The following ATRNL1 variants were observed in gnomAD, a reference collection of about 807,000 sequenced individuals.
ATRNL1 encodes the protein attractin-like protein 1.
A neutral mutation model predicts 182.7 loss-of-function variants in ATRNL1; 95 were observed. That is an observed-to-expected ratio of 0.52 (90% confidence interval 0.44 to 0.62). The LOEUF (loss-of-function observed/expected upper bound fraction) is 0.62. Ranked by LOEUF, ATRNL1 falls within the 20% of genes least tolerant of loss-of-function variation. ATRNL1 has a pLI of 0.00. For missense variants in ATRNL1, 1,471 were observed against 1,679.5 expected, an observed-to-expected ratio of 0.88 and a Z score of 2.17; for synonymous variants, 576 against 568.3, an observed-to-expected ratio of 1.01 and a Z score of -0.19.
intron 26 of ATRNL1, among the ~76,000 whole-genome samples, chr10:115,661,224 T>A (rs537194701): frequency 6.6e-6 from 1 of 152,082 alleles, no homozygotes; most frequent in East Asian, 1.9e-4. Flanking sequence ...TCAGCCAACA[T>A]TTGCATTATA....
intron 26 of ATRNL1, among the ~76,000 whole-genome samples, chr10:115,560,118 C>T (rs1345509373): frequency 3.5e-4 from 53 of 152,168 alleles, no homozygotes; most frequent in Non-Finnish European, 1.6e-4. Flanking sequence ...AAACTAAAAA[C>T]GAATTCAATT....
intron 14 of ATRNL1, among the ~76,000 whole-genome samples, chr10:115,281,919 A>G (rs1852378420): frequency 6.8e-6 from 1 of 148,098 alleles, no homozygotes; most frequent in African/African-American, 2.4e-5. Context: ...AGAACATATT[A>G]ATTATATATT....
chr10:115,332,147 G>T (rs1241134620), intron 18 of ATRNL1, among the ~76,000 whole-genome samples: 1 of 152,182 alleles, frequency 6.6e-6, no homozygotes, highest in Non-Finnish European at 1.5e-5. Flanking sequence ...GAAGCATAAT[G>T]CCTATCTCCG....
In ATRNL1 at chr10:115,731,933, TTAGCTTCTTTCGCTTAGCATAATG is replaced by T. The variant is rs754681392; in HGVS notation, c.3903+4580_3903+4603del. On this transcript the variant is annotated intron_variant, in intron 27 of 28. Transcript: ENST00000355044. Reference sequence around the variant, plus strand: ...CTATATACAGTGTGATCTTTTGTGATTAGCTTCTTTCGCTTAGCATAATGTCTTTAAAGTTGATACGTGTTGTAG... The same window carrying T: ...CTATATACAGTGTGATCTTTTGTGATTCTTTAAAGTTGATACGTGTTGTAG... 1.3e-3 allele frequency among the ~76,000 whole-genome samples: 205 copies of T among 152,218 alleles called. 3 individuals carry two copies. Among genetic ancestry groups the T allele is most frequent in the Non-Finnish European group, 1.7e-3 (116 of 68,010 alleles).
At chr10:115,190,378 TAAA>T (rs1848122416) in intron 8 of ATRNL1, among the ~76,000 whole-genome samples, 1 of 152,154 alleles carries the variant, frequency 6.6e-6, no homozygotes, top group South Asian at 2.1e-4. Context: ...CTGACTATAT[TAAA>T]AAGTTTTAGT....
At chr10:115,231,933 G>C (rs1554900111) in intron 9 of ATRNL1, among the ~76,000 whole-genome samples, 2 of 152,128 alleles carry the variant, frequency 1.3e-5, no homozygotes. Context: ...ATGAGTTAGG[G>C]AAGTGTAGTA....
At chr10:115,771,584 A>AT (rs1948994607) in intron 27 of ATRNL1, among the ~76,000 whole-genome samples, 1 of 152,170 alleles carries the variant, frequency 6.6e-6, no homozygotes, top group African/African-American at 2.4e-5. Flanking sequence ...ATCTCTCAGC[A>AT]TTTTTAGAAA....
chr10:115,592,530 T>G (rs1269161186), intron 26 of ATRNL1, among the ~76,000 whole-genome samples: 1 of 152,156 alleles, frequency 6.6e-6, no homozygotes, highest in Non-Finnish European at 1.5e-5. Flanking sequence ...CAGCTCTACC[T>G]TACTCCACCC....
In ATRNL1 at chr10:115,127,732, T is replaced by C. The variant is rs782072853; in HGVS notation, c.620+11T>C. 3 of 1,396,492 alleles carry C rather than the reference T, an allele frequency of 2.1e-6. No individual in the cohort carries two copies. The Admixed American group carries it at 8.6e-5, about 40-fold the overall frequency. The allele number at this position is 1,396,492 out of a possible 1,614,324, so 86.5% of individuals were successfully genotyped here. A position where few individuals can be genotyped will look rare whatever the true frequency, so the allele number is the denominator to read the frequency against. ...CAACATTTTCTATTCGTAAGTATTTTTTAAAAATTCCTTCTTTTAATGATT... is the reference window on the plus strand; with the variant it reads ...CAACATTTTCTATTCGTAAGTATTTCTTAAAAATTCCTTCTTTTAATGATT... On this transcript the variant is annotated intron_variant, in intron 4 of 28. Coordinates refer to ENST00000355044, the MANE Select transcript of ATRNL1 (RefSeq NM_207303.4).
At chr10:115,561,692 T>G (rs868963972) in intron 26 of ATRNL1, among the ~76,000 whole-genome samples, 7 of 45,722 alleles carry the variant, frequency 1.5e-4, no homozygotes, top group Admixed American at 4.6e-4. Flanking sequence ...TGTGTGTGGG[T>G]GTGTGTGTGT....
At chr10:115,846,775 A>G (rs1319942161) in intron 27 of ATRNL1, among the ~76,000 whole-genome samples, 5 of 152,110 alleles carry the variant, frequency 3.3e-5, no homozygotes, top group Admixed American at 3.3e-4. Context: ...ATATGCACAC[A>G]TGTCATAAGC....
Position 115,286,375 on chromosome 10 carries a change from A to G in ATRNL1, c.2393A>G (p.Glu798Gly). 6.3e-7 allele frequency: 1 copy of G among 1,596,374 alleles called. No individual in the cohort carries two copies. Among genetic ancestry groups the G allele is most frequent in the Non-Finnish European group, 8.6e-7 (1 of 1,167,024 alleles). The change falls in exon 15 of 29, where the codon GAA becomes GGA. Residue 798 changes from glutamate to glycine, a missense_variant. Around this residue, in one of 3 missense-constraint regions of ATRNL1, gnomAD observed 1,031 missense variants for 1,156.0 expected, o/e 0.89. Coordinates refer to ENST00000355044, the MANE Select transcript of ATRNL1 (RefSeq NM_207303.4). ...AAAGAAGTAGAATTTGTTCTGGATG[A>G]AATACAGAAGTATACACAACAGGTA... ...TSKEVEFVLD[E>G]IQKYTQQKVS...
chr10:115,479,839 A>G (rs1190821635), intron 24 of ATRNL1, among the ~76,000 whole-genome samples: 1 of 151,362 alleles, frequency 6.6e-6, no homozygotes, highest in Non-Finnish European at 1.5e-5. Flanking sequence ...AACTTCAAAA[A>G]AAGTGTATTG....
chr10:115,538,004 C>T (rs1554990993), intron 25 of ATRNL1, among the ~76,000 whole-genome samples: 1 of 152,132 alleles, frequency 6.6e-6, no homozygotes, highest in African/African-American at 2.4e-5. Context: ...ATTTAAGATT[C>T]ATCCAAGGTG....
chr10:115,461,203 G>A (rs1313193231), intron 21 of ATRNL1, among the ~76,000 whole-genome samples: 2 of 151,878 alleles, frequency 1.3e-5, no homozygotes, highest in Admixed American at 1.3e-4. Context: ...TAAAATAATT[G>A]GAAATAATTT....
At chr10:115,521,249 G>T (rs1395757157) in intron 25 of ATRNL1, among the ~76,000 whole-genome samples, 1 of 151,970 alleles carries the variant, frequency 6.6e-6, no homozygotes, top group Non-Finnish European at 1.5e-5. Flanking sequence ...CACCTCCCGG[G>T]TTCAAGCATT....
intron 27 of ATRNL1, among the ~76,000 whole-genome samples, chr10:115,763,975 C>G (rs1948795373): frequency 6.6e-6 from 1 of 152,128 alleles, no homozygotes; most frequent in African/African-American, 2.4e-5. Context: ...TTTCTAGCCA[C>G]CTACTTGCCT....
At chr10:115,525,888 C>T (rs1173972125) in intron 25 of ATRNL1, among the ~76,000 whole-genome samples, 2 of 152,130 alleles carry the variant, frequency 1.3e-5, no homozygotes, top group African/African-American at 4.8e-5. Flanking sequence ...ACTTCCATGG[C>T]TCCTGCCAGT....
intron 26 of ATRNL1, among the ~76,000 whole-genome samples, chr10:115,643,758 TCTA>T (rs1409985367): frequency 1.3e-5 from 2 of 151,758 alleles, no homozygotes; most frequent in Non-Finnish European, 2.9e-5. Flanking sequence ...TGCACCTACT[TCTA>T]CTACTACTAC....
Sources: allele counts gnomAD v4.1 joint callset (sites outside exome capture counted in the v4.1 genomes callset), GRCh38; gene constraint gnomAD v4.1.1; regional missense constraint gnomAD v4.1.1; transcripts MANE v1.5; gene names NCBI Gene and HGNC (gene_info 2026-07-23, HGNC 2026-07-21).